The following CPEB3 variants were observed in gnomAD, a reference collection of about 807,000 sequenced individuals.
CPEB3 encodes cytoplasmic polyadenylation element binding protein 3.
A neutral mutation model predicts 67.2 loss-of-function variants in CPEB3; 20 were observed. The ratio of observed to expected loss-of-function variants is 0.30; its 90% confidence interval spans 0.21 to 0.43. The LOEUF is 0.43. CPEB3 is among the 20% of genes least tolerant of loss of function. The pLI, the probability that CPEB3 is intolerant of heterozygous loss-of-function variation, is 1.00. For synonymous variants in CPEB3, 376 were observed against 393.1 expected (o/e 0.96, Z 0.51); for missense variants, 746 against 968.6 (o/e 0.77, Z 3.05).
At chr10:92,118,168 G>A (rs1281849202) in intron 6 of CPEB3, among the ~76,000 whole-genome samples, 1 of 152,142 alleles carries the variant, frequency 6.6e-6, no homozygotes, top group Non-Finnish European at 1.5e-5. Flanking sequence ...TTTCGCTCTT[G>A]TTGCCCAGGC....
intron 2 of CPEB3, among the ~76,000 whole-genome samples, chr10:92,199,497 C>T (rs1407722015): frequency 6.6e-6 from 1 of 151,546 alleles, no homozygotes; most frequent in Non-Finnish European, 1.5e-5. Flanking sequence ...TCGAGACCAT[C>T]CTGGCTAACA....
chr10:92,247,617 G>A (rs1230124324), intron 1 of CPEB3, among the ~76,000 whole-genome samples: 2 of 152,120 alleles, frequency 1.3e-5, no homozygotes, highest in East Asian at 1.9e-4. Flanking sequence ...GGCTGGTGTC[G>A]AGCTCCCGAC....
At chr10:92,092,100 C>T (rs1843643249) in intron 7 of CPEB3, among the ~76,000 whole-genome samples, 156 bp from the exon 8 acceptor site, 2 of 152,186 alleles carry the variant, frequency 1.3e-5, no homozygotes, top group African/African-American at 4.8e-5. Flanking sequence ...GCATTAAGTA[C>T]CTTTCAATAG....
chr10:92,229,681 T>C (rs575874556), intron 2 of CPEB3, among the ~76,000 whole-genome samples: 4 of 152,372 alleles, frequency 2.6e-5, no homozygotes, highest in African/African-American at 9.6e-5. Flanking sequence ...TTTTTACAAA[T>C]TGAAGATGTC....
At chr10:92,135,566 G>A (rs547657441) in intron 6 of CPEB3, among the ~76,000 whole-genome samples, 1 of 152,282 alleles carries the variant, frequency 6.6e-6, no homozygotes, top group East Asian at 1.9e-4. Flanking sequence ...GTTAGTGGGA[G>A]TGTAAACTAG....
At chr10:92,109,015 T>C (rs776821833) in intron 7 of CPEB3, among the ~76,000 whole-genome samples, 11 of 152,220 alleles carry the variant, frequency 7.2e-5, no homozygotes, top group Non-Finnish European at 1.6e-4. Flanking sequence ...CCAAAGTATA[T>C]AAACTCTGCG....
Position 92,239,943 on chromosome 10 carries a change from G to C in CPEB3, c.408C>G (p.Phe136Leu), listed in dbSNP as rs1277949941. 2 of 1,613,448 alleles carry C rather than the reference G, an allele frequency of 1.2e-6. No homozygotes were observed. Among genetic ancestry groups the C allele is most frequent in the Non-Finnish European group, 1.7e-6 (2 of 1,179,720 alleles). ...GITPVNGTMLFQNFPHHVNPV... is the reference protein window; with the variant it reads ...GITPVNGTMLLQNFPHHVNPV... ...GGTTGACATGGTGCGGGAAGTTCTG[G>C]AAGAGCATGGTCCCGTTGACTGGGG... The change falls in exon 2 of 10, where the codon TTC (phenylalanine) becomes TTG (leucine). Residue 136 changes from phenylalanine (F) to leucine (L), a missense_variant. By Grantham distance (22) the Phe-to-Leu change is conservative (BLOSUM62 0). Transcript: ENST00000265997. This position sits in a 1 kb window ranked among gnomAD's most constrained non-coding sequence, Gnocchi z 6.0.
At chr10:92,223,708 G>C (rs931844658) in intron 2 of CPEB3, among the ~76,000 whole-genome samples, 27 of 150,460 alleles carry the variant, frequency 1.8e-4, no homozygotes, top group African/African-American at 6.6e-4. Flanking sequence ...CAAGCAGCTG[G>C]GATTACAGGC....
chr10:92,098,160 TAAAAAAAAAAAAAAAAAAAAAAAAA>T (rs1166249584), intron 7 of CPEB3, among the ~76,000 whole-genome samples: 12 of 36,126 alleles, frequency 3.3e-4, no homozygotes, highest in Middle Eastern at 0.037. Context: ...ACACTCTGCC[TAAAAAAAAAAAAAAAAAAAAAAAAA>T]AAAAAAAAAA....
At chr10:92,072,075 T>G (rs576164743) in intron 9 of CPEB3, among the ~76,000 whole-genome samples, 30 of 152,292 alleles carry the variant, frequency 2.0e-4, no homozygotes, top group South Asian at 6.2e-4. Flanking sequence ...TAACCTGTAT[T>G]TCATTTCAGG....
chr10:92,069,696 T>C (rs1842682136), intron 9 of CPEB3, among the ~76,000 whole-genome samples: 1 of 152,162 alleles, frequency 6.6e-6, no homozygotes, highest in South Asian at 2.1e-4. Context: ...TGAGCCACTG[T>C]GCCAGCTACA....
intron 3 of CPEB3, among the ~76,000 whole-genome samples, chr10:92,189,693 T>C (rs533395824): frequency 2.0e-5 from 3 of 148,518 alleles, no homozygotes; most frequent in Non-Finnish European, 4.5e-5. Context: ...AGAGAGTCTC[T>C]AGTGATTTTT....
At chr10:92,172,409 C>T (rs1051454664) in intron 4 of CPEB3, among the ~76,000 whole-genome samples, 2 of 152,150 alleles carry the variant, frequency 1.3e-5, no homozygotes, top group Non-Finnish European at 2.9e-5. Context: ...AGACTATGTT[C>T]TGAAAGTAAC....
At chr10:92,136,718 G>A (rs776617127) in intron 6 of CPEB3, among the ~76,000 whole-genome samples, 12 of 152,028 alleles carry the variant, frequency 7.9e-5, no homozygotes, top group Non-Finnish European at 1.2e-4. Context: ...GGGCTACCAC[G>A]CCCAGCTAAT....
intron 4 of CPEB3, among the ~76,000 whole-genome samples, chr10:92,175,382 C>T (rs752767731): frequency 1.3e-5 from 2 of 151,938 alleles, no homozygotes; most frequent in Non-Finnish European, 2.9e-5. Context: ...TGTTTATCCA[C>T]AATGCTGCTT....
chr10:92,168,952 T>C (rs1042905204), intron 4 of CPEB3, among the ~76,000 whole-genome samples: 2 of 151,582 alleles, frequency 1.3e-5, no homozygotes, highest in African/African-American at 2.4e-5. Flanking sequence ...CATGCCACTA[T>C]GCCCAGCTAA....
chr10:92,235,252 CCTGA>C (rs1254575656), intron 2 of CPEB3, among the ~76,000 whole-genome samples: 1 of 152,128 alleles, frequency 6.6e-6, no homozygotes, highest in African/African-American at 2.4e-5. Flanking sequence ...TCAAGACCAG[CCTGA>C]CTAATAGGGC....
chr10:92,240,174 G>C lies in CPEB3; in HGVS notation c.177C>G (p.Ala59=). ...ENSAVPALSP[A]AAPPAPNGPD... is the part of the protein sequence containing the mutation. ...GGCCGTTGGGGGCCGGGGGGGCAGC[G>C]GCTGGGCTGAGGGCCGGCACTGCGC... The change falls in exon 2 of 10, where the codon GCC becomes GCG. Residue 59 remains alanine, a synonymous_variant. Transcript: ENST00000265997. The C allele has an allele frequency of 6.5e-7, 1 of 1,540,668 alleles. No homozygotes were observed. The highest frequency in any genetic ancestry group is 8.8e-7 in the Non-Finnish European group (1 of 1,141,568).
intron 2 of CPEB3, among the ~76,000 whole-genome samples, chr10:92,203,404 ATATATG>A (rs1187134147): frequency 2.0e-5 from 3 of 147,186 alleles, no homozygotes; most frequent in Non-Finnish European, 4.5e-5. Context: ...ATATACGTAT[ATATATG>A]TATATGTATA....
Sources: allele counts gnomAD v4.1 joint callset (sites outside exome capture counted in the v4.1 genomes callset), GRCh38; gene constraint gnomAD v4.1.1; non-coding constraint Gnocchi (gnomAD v3.1); transcripts MANE v1.5; gene names NCBI Gene and HGNC (gene_info 2026-07-23, HGNC 2026-07-21).